The following SHPRH variants were observed in gnomAD, a reference collection of about 807,000 sequenced individuals.
SHPRH encodes SNF2 histone linker PHD RING helicase, also known as E3 ubiquitin-protein ligase SHPRH.
A neutral mutation model predicts 202.5 loss-of-function variants in SHPRH; 106 were observed. The ratio of observed to expected loss-of-function variants is 0.52; its 90% CI spans 0.45 to 0.62. The LOEUF (loss-of-function observed/expected upper bound fraction) is 0.62, where lower values mean the gene tolerates loss of function less well. Ranked by LOEUF, SHPRH falls within the 20% of genes least tolerant of loss-of-function variation. SHPRH has a pLI of 0.00. For missense variants in SHPRH, 1,710 were observed against 2,020.0 expected, an observed-to-expected ratio of 0.85 and a Z score of 2.94; for synonymous variants, 729 against 686.0, an observed-to-expected ratio of 1.06 and a Z score of -0.98.
At chr6:145,899,496 G>C (rs1278841740) in intron 25 of SHPRH, among the ~76,000 whole-genome samples, 4 of 152,000 alleles carry the variant, frequency 2.6e-5, no homozygotes, top group Non-Finnish European at 5.9e-5. Context: ...ACATGCAAAA[G>C]AATAAAACTG....
chr6:145,896,452 C>A (rs1162135286), intron 25 of SHPRH, among the ~76,000 whole-genome samples: 1 of 151,588 alleles, frequency 6.6e-6, no homozygotes, highest in Non-Finnish European at 1.5e-5. Flanking sequence ...ACTAAAAGTT[C>A]AAAAAAAATG....
chr6:145,934,974 G>A lies in SHPRH; in HGVS notation c.2923C>T (p.Leu975=). 1.2e-6 allele frequency: 2 copies of A among 1,614,006 alleles called. No homozygotes were observed. The highest frequency in any genetic ancestry group is 2.7e-5 in the African/African-American group (2 of 75,012). Reference sequence around the variant, plus strand: ...TGACAGCAGGCCTGTCTGAGCCTCAGCAATGGATACAGGATAGAGGTGACA... The same window carrying A: ...TGACAGCAGGCCTGTCTGAGCCTCAACAATGGATACAGGATAGAGGTGACA... ...RTVTSILYPL[L]RLRQACCHPQ... is the part of the protein sequence containing the mutation. The change falls in exon 13 of 30, where the codon CTG becomes TTG. Residue 975 remains leucine (L), a synonymous_variant. Transcript: ENST00000275233.
At position 145,900,337 on chromosome 6, in the gene SHPRH, C is replaced by T. The variant is rs1272630136; in HGVS notation, c.4516-5360G>A. Among the ~76,000 whole-genome samples, 5 of 152,050 alleles carry T rather than the reference C, an allele frequency of 3.3e-5. No homozygotes were observed. The East Asian group carries it at 9.6e-4, about 29-fold the overall frequency. On this transcript the variant is annotated intron_variant, in intron 25 of 29. Transcript: ENST00000275233. ...GTTTTTACCTGACAGTAAATCAATC[C>T]TGTCAGGTGAGATAACATCTATGTA...
chr6:145,898,274 A>T (rs1431833210), intron 25 of SHPRH, among the ~76,000 whole-genome samples: 1 of 152,172 alleles, frequency 6.6e-6, no homozygotes. Flanking sequence ...CTTAGGAGTA[A>T]ATTTAATCAA....
At chr6:145,940,247 A>G (rs1786608931) in intron 11 of SHPRH, among the ~76,000 whole-genome samples, 1 of 152,184 alleles carries the variant, frequency 6.6e-6, no homozygotes, top group Admixed American at 6.5e-5. Context: ...CTAATAACTT[A>G]TATAATTACT....
At chr6:145,960,259 A>G (rs915766374) in intron 1 of SHPRH, among the ~76,000 whole-genome samples, 22 of 152,214 alleles carry the variant, frequency 1.4e-4, no homozygotes, top group African/African-American at 2.2e-4. Flanking sequence ...AGTAGTTTTC[A>G]AAGTGCTTAA....
rs764297925 is a variant in SHPRH, at chr6:145,950,426, C to T, written c.820G>A (p.Asp274Asn). The T allele has an allele frequency of 2.5e-5, 41 of 1,613,130 alleles. No homozygotes were observed. Among genetic ancestry groups the T allele is most frequent in the Non-Finnish European group, 5.9e-6 (7 of 1,179,404 alleles). The stretch of plus-strand genomic sequence containing the variant: ...TGTTTCACAAAGTGATACAGCTCGT[C>T]AATGTCTTGTCCCTCTGGCTCACTC... Reference protein sequence around the residue: ...PESEPEGQDIDELYHFVKQTH... With the variant: ...PESEPEGQDINELYHFVKQTH... The change falls in exon 4 of 30, where the codon GAC becomes AAC. Residue 274 changes from aspartate (D) to asparagine (N), a missense_variant. Asp to Asn is a conservative substitution (Grantham distance 23). Coordinates refer to ENST00000275233, the MANE Select transcript of SHPRH (RefSeq NM_001042683.3).
intron 2 of SHPRH, among the ~76,000 whole-genome samples, chr6:145,867,915 ACT>A (rs1779878840): frequency 6.6e-6 from 1 of 151,652 alleles, no homozygotes; most frequent in Non-Finnish European, 1.5e-5. Context: ...CTCCACAAAA[ACT>A]CTCTTCTAGA....
At chr6:145,950,841 C>T (rs202192048) in intron 3 of SHPRH, among the ~76,000 whole-genome samples, 6,364 of 151,818 alleles carry the variant, frequency 0.042, 231 homozygotes, top group East Asian at 0.17. Context: ...TTTTGTAGCC[C>T]CTCAGAGAAG....
chr6:145,920,197 T>C (rs959311865), intron 21 of SHPRH, among the ~76,000 whole-genome samples: 2 of 152,094 alleles, frequency 1.3e-5, no homozygotes, highest in Admixed American at 6.6e-5. Flanking sequence ...CAATTGCTCT[T>C]CTGTGAAAAG....
chr6:145,865,712 C>T (rs918299280), intron 2 of SHPRH, among the ~76,000 whole-genome samples: 1 of 152,200 alleles, frequency 6.6e-6, no homozygotes, highest in Admixed American at 6.5e-5. Flanking sequence ...GGCAGAGGCC[C>T]GGGCAATCTC....
rs1191771295 is a variant in SHPRH at position 145,943,165 on chromosome 6, C to T, written c.2216G>A (p.Arg739Lys). The T allele has an allele frequency of 6.2e-7, 1 of 1,602,308 alleles. No homozygotes were observed. Among genetic ancestry groups the T allele is most frequent in the Non-Finnish European group, 8.5e-7 (1 of 1,172,966 alleles). The change falls in exon 9 of 30, where the codon AGG (arginine) becomes AAG (lysine). Residue 739 changes from arginine to lysine, a missense_variant. Arg to Lys is a conservative substitution (Grantham distance 26). This residue lies in a region of SHPRH where 277 missense variants were observed against 363.0 expected (regional missense o/e 0.76). Coordinates refer to ENST00000275233, the MANE Select transcript of SHPRH (RefSeq NM_001042683.3). ...QWVDEINRHV[R>K]SSSLRVLVYQ... is the part of the protein sequence containing the mutation. ...TACCAAGACTCGAAGAGATGACGAC[C>T]TCACATGCCTGTTGATCTCATCCAC...
chr6:145,935,317 C>A lies in SHPRH; in HGVS notation c.2694G>T (p.Lys898Asn). 6.2e-7 allele frequency: 1 copy of A among 1,613,988 alleles called. No individual in the cohort carries two copies. Among genetic ancestry groups the A allele is most frequent in the Non-Finnish European group, 8.5e-7 (1 of 1,179,986 alleles). The change falls in exon 12 of 30, where the codon AAG becomes AAT. Residue 898 changes from lysine to asparagine, a missense_variant. Physicochemically the swap from Lys to Asn is moderately conservative, Grantham distance 94. Coordinates refer to ENST00000275233, the MANE Select transcript of SHPRH (RefSeq NM_001042683.3). ...CTTTCTTTGCAGACCTCCACAGTAT[C>A]TTGGCAATAAAGCTGTAGAGATGCT... ...NPQHLYSFIA[K>N]ILWRSAKKDV...
chr6:145,888,506 G>A (rs1357707014), intron 28 of SHPRH, among the ~76,000 whole-genome samples: 4 of 152,166 alleles, frequency 2.6e-5, no homozygotes, highest in Non-Finnish European at 4.4e-5. Context: ...GCCAAAAGAA[G>A]GCTGGCATGG....
chr6:145,927,981 C>A (rs1340532601), intron 14 of SHPRH, among the ~76,000 whole-genome samples: 1 of 151,844 alleles, frequency 6.6e-6, no homozygotes, highest in Non-Finnish European at 1.5e-5. Flanking sequence ...TCATTTCTAC[C>A]CTCTGCCTAT....
At chr6:145,863,764 T>C (rs566052797), downstream of SHPRH, among the ~76,000 whole-genome samples, 13 of 152,208 alleles carry the variant, frequency 8.5e-5, no homozygotes, top group African/African-American at 2.9e-4. Flanking sequence ...ATGATCAAAG[T>C]GTTTTCGAGA....
intron 22 of SHPRH, 95 bp from the exon 23 acceptor site, chr6:145,918,327 GT>G (rs1419453902): frequency 5.4e-6 from 4 of 739,832 alleles, no homozygotes; most frequent in Non-Finnish European, 7.7e-6. Context: ...CAAATGTATT[GT>G]TTTTAAAAAA....
At chr6:145,943,897 C>T in intron 8 of SHPRH, 95 bp from the exon 9 acceptor site, 1 of 1,200,608 alleles carries the variant, frequency 8.3e-7, no homozygotes, top group Non-Finnish European at 1.1e-6. Context: ...AATTATGTAG[C>T]AGCCAGTCTT....
intron 1 of SHPRH, among the ~76,000 whole-genome samples, chr6:145,956,882 T>C (rs183997027): frequency 6.6e-6 from 1 of 152,268 alleles, no homozygotes; most frequent in African/African-American, 2.4e-5. Context: ...GTTTGTTCTG[T>C]AGAAACTGAC....
Sources: gnomAD v4.1 joint callset for allele counts (sites outside exome capture counted in the v4.1 genomes callset) on GRCh38, gnomAD v4.1.1 for gene constraint, gnomAD v4.1.1 regional missense constraint, MANE v1.5 for transcripts, NCBI Gene and HGNC (gene_info 2026-07-23, HGNC 2026-07-21) for gene names.